The following ZNF536 variants were observed in gnomAD, a reference collection of about 807,000 sequenced individuals.
ZNF536 encodes the protein zinc finger protein 536.
In ZNF536, 13 loss-of-function variants were observed where a neutral mutation model predicts 84.5. The ratio of observed to expected loss-of-function variants is 0.15; its 90% CI spans 0.10 to 0.24. The LOEUF (loss-of-function observed/expected upper bound fraction) is 0.24. Ranked by LOEUF, ZNF536 falls within the 10% of genes least tolerant of loss-of-function variation. The probability of loss-of-function intolerance (pLI) is 1.00; values close to 1 mark genes in which losing one functional copy is unlikely to be tolerated. For synonymous variants in ZNF536, 811 were observed against 742.5 expected, an observed-to-expected ratio of 1.09 and a Z score of -1.50; for missense variants, 1,536 against 1,747.5, an observed-to-expected ratio of 0.88 and a Z score of 2.16.
intron 1 of ZNF536, among the ~76,000 whole-genome samples, chr19:30,429,965 G>A (rs1427891495): frequency 6.6e-6 from 1 of 152,040 alleles, no homozygotes; most frequent in East Asian, 1.9e-4. Context: ...TCCTGGATAA[G>A]GGTACAGGGT....
chr19:30,685,527 G>A (rs767418132), intron 1 of ZNF536, among the ~76,000 whole-genome samples: 9 of 152,092 alleles, frequency 5.9e-5, no homozygotes, highest in Non-Finnish European at 7.3e-5. Flanking sequence ...AGGTAGAGAC[G>A]GAAGGGATGG....
intron 1 of ZNF536, among the ~76,000 whole-genome samples, chr19:30,406,597 G>A (rs917828181): frequency 6.6e-6 from 1 of 152,048 alleles, no homozygotes; most frequent in Non-Finnish European, 1.5e-5. Context: ...CAGTGATTGG[G>A]GTCATCTCCC....
chr19:30,436,607 T>C, intron 1 of ZNF536: 1 of 612,586 alleles, frequency 1.6e-6, no homozygotes, highest in Non-Finnish European at 2.0e-6. Flanking sequence ...TGATGTTCTG[T>C]ATTTCAGAAC....
intron 1 of ZNF536, among the ~76,000 whole-genome samples, chr19:30,247,657 G>A (rs1024791002): frequency 2.6e-5 from 4 of 152,006 alleles, no homozygotes; most frequent in East Asian, 1.9e-4. Flanking sequence ...GCAAGAGCCC[G>A]TCTCTACAGA....
chr19:30,531,331 C>T (rs2044806129), intron 2 of ZNF536, among the ~76,000 whole-genome samples: 2 of 152,136 alleles, frequency 1.3e-5, no homozygotes, highest in African/African-American at 2.4e-5. Flanking sequence ...TTCCACAGTG[C>T]AGGGCGGCCG....
At chr19:30,229,220 T>TC (rs1376136423) in intron 1 of ZNF536, among the ~76,000 whole-genome samples, 1 of 151,956 alleles carries the variant, frequency 6.6e-6, no homozygotes, top group East Asian at 1.9e-4. Flanking sequence ...TCGTCCCCCT[T>TC]CCCCCAGCAT....
chr19:30,663,625 T>C (rs1388461291), intron 1 of ZNF536, among the ~76,000 whole-genome samples: 1 of 152,234 alleles, frequency 6.6e-6, no homozygotes, highest in Non-Finnish European at 1.5e-5. Flanking sequence ...CTATTTTTAC[T>C]GCCTTGTTCT....
chr19:30,457,469 G>T (rs938993267), intron 2 of ZNF536, among the ~76,000 whole-genome samples: 2 of 152,238 alleles, frequency 1.3e-5, no homozygotes, highest in African/African-American at 4.8e-5. Flanking sequence ...AGGCTGGGAA[G>T]GGAGGGAGAG....
At chr19:30,254,450 G>A in intron 1 of ZNF536, among the ~76,000 whole-genome samples, 1 of 152,138 alleles carries the variant, frequency 6.6e-6, no homozygotes, top group East Asian at 1.9e-4. Flanking sequence ...TGTTTTTCCA[G>A]GGTAGGAACA....
rs1009799363 is a variant in ZNF536, at chr19:30,303,341, C to T, written c.-120+19200C>T. 4.1e-4 allele frequency among the ~76,000 whole-genome samples: 63 copies of T among 152,236 alleles called. 1 individual carries two copies. The highest frequency in any genetic ancestry group is 2.1e-4 in the South Asian group (1 of 4,812). ...GGCCATGGCAGGCTCTATGTGATGGCGAGAGAGGCAGGGCAAGAGAGGCAG... is the reference window on the plus strand; with the variant it reads ...GGCCATGGCAGGCTCTATGTGATGGTGAGAGAGGCAGGGCAAGAGAGGCAG... On this transcript the variant is annotated intron_variant, in intron 2 of 5. Coordinates refer to the ZNF536 transcript ENST00000585628.
intron 2 of ZNF536, among the ~76,000 whole-genome samples, chr19:30,340,922 C>G (rs2047545940): frequency 6.6e-6 from 1 of 152,134 alleles, no homozygotes. Context: ...TTCTCTTCTG[C>G]TGCTGTGCAC....
At chr19:30,535,250 C>T (rs1160229849) in intron 3 of ZNF536, among the ~76,000 whole-genome samples, 1 of 152,188 alleles carries the variant, frequency 6.6e-6, no homozygotes, top group African/African-American at 2.4e-5. Flanking sequence ...CCTGGGATAA[C>T]TGGGTCGCGT....
chr19:30,678,641 T>C (rs962780860), intron 1 of ZNF536, among the ~76,000 whole-genome samples: 3 of 152,310 alleles, frequency 2.0e-5, no homozygotes, highest in African/African-American at 7.2e-5. Flanking sequence ...GGCACTGGAC[T>C]CCTAGAGCCA....
At chr19:30,313,795 A>C (rs1390256244) in intron 2 of ZNF536, among the ~76,000 whole-genome samples, 1 of 152,146 alleles carries the variant, frequency 6.6e-6, no homozygotes, top group Admixed American at 6.5e-5. Flanking sequence ...GTTAAGGAAA[A>C]GTGGTGTATG....
chr19:30,437,200 A>G (rs16964190), intron 1 of ZNF536, among the ~76,000 whole-genome samples: 3,719 of 152,120 alleles, frequency 0.024, 162 homozygotes, highest in African/African-American at 0.085. Context: ...GTTTTTGTGT[A>G]AAATTTATTT....
Position 30,459,354 on chromosome 19 carries a change from CT to C in ZNF536, c.2170+13638del, listed in dbSNP as rs1257308245. Among the ~76,000 whole-genome samples, 930 of 99,368 alleles carry C rather than the reference CT, an allele frequency of 9.4e-3. 3 individuals carry two copies. Among genetic ancestry groups the C allele is most frequent in the Admixed American group, 9.7e-3 (91 of 9,430 alleles). 65.2% of individuals were successfully genotyped at this position (99,368 alleles called of 152,430 possible). ...TCTTTCTTTCCTTCTTTCTTTCTCT[CT>C]TTTTTTTTTTTTTTTGATGGAGTCT... On this transcript the variant is annotated intron_variant, in intron 2 of 4. Coordinates refer to ENST00000355537, the MANE Select transcript of ZNF536 (RefSeq NM_014717.3).
At chr19:30,386,277 G>T (rs562941707) in intron 1 of ZNF536, among the ~76,000 whole-genome samples, 1 of 152,296 alleles carries the variant, frequency 6.6e-6, no homozygotes, top group South Asian at 2.1e-4. Context: ...AGTGGAGTTA[G>T]CCCCTCACTC....
chr19:30,422,784 A>C (rs895921909), intron 1 of ZNF536, among the ~76,000 whole-genome samples: 5 of 151,752 alleles, frequency 3.3e-5, no homozygotes, highest in Non-Finnish European at 7.4e-5. Context: ...CCATCGATCC[A>C]TGTATCCATC....
chr19:30,422,778 C>T (rs926147792), intron 1 of ZNF536, among the ~76,000 whole-genome samples: 3 of 152,104 alleles, frequency 2.0e-5, no homozygotes, highest in African/African-American at 7.2e-5. Context: ...ATATAGCCAT[C>T]GATCCATGTA....
Sources: allele counts gnomAD v4.1 joint callset (sites outside exome capture counted in the v4.1 genomes callset), GRCh38; gene constraint gnomAD v4.1.1; transcripts MANE v1.5; gene names NCBI Gene and HGNC (gene_info 2026-07-23, HGNC 2026-07-21).